The following ABLIM2 variants were observed in gnomAD, a reference collection of about 807,000 sequenced individuals.
The protein encoded by ABLIM2 is actin-binding LIM protein 2.
Under a neutral mutation model 97.7 loss-of-function variants are expected in ABLIM2, and 53 were observed. The observed-to-expected ratio is 0.54, with a 90% CI of 0.44 to 0.68. ABLIM2 has a LOEUF of 0.68. ABLIM2 is among the 30% of genes least tolerant of loss of function. ABLIM2 has a pLI of 0.00. For synonymous variants in ABLIM2, 361 were observed against 345.8 expected, an observed-to-expected ratio of 1.04 and a Z score of -0.49; for missense variants, 835 against 867.2, an observed-to-expected ratio of 0.96 and a Z score of 0.47.
At chr4:7,993,627 T>C in intron 16 of ABLIM2, among the ~76,000 whole-genome samples, 1 of 152,104 alleles carries the variant, frequency 6.6e-6, no homozygotes, top group Non-Finnish European at 1.5e-5. Flanking sequence ...CAGTGAGCTA[T>C]GCTCACACCA....
intron 5 of ABLIM2, among the ~76,000 whole-genome samples, chr4:8,078,198 C>T (rs1817524884): frequency 6.6e-6 from 1 of 152,194 alleles, no homozygotes; most frequent in East Asian, 1.9e-4. Context: ...ACTTTACTGT[C>T]CCCCCTGCAT....
intron 17 of ABLIM2, among the ~76,000 whole-genome samples, chr4:7,988,023 C>T (rs114983137): frequency 0.041 from 6,268 of 152,186 alleles, 255 homozygotes; most frequent in African/African-American, 0.1. Flanking sequence ...TGTTTACTAC[C>T]TATTTTTATT....
At chr4:8,070,927 C>A (rs933604621) in intron 6 of ABLIM2, among the ~76,000 whole-genome samples, 1 of 152,156 alleles carries the variant, frequency 6.6e-6, no homozygotes, top group African/African-American at 2.4e-5. Flanking sequence ...AGACCTCAGC[C>A]CTGACAGGGT....
rs754423125 is a variant in ABLIM2 at position 8,087,120 on chromosome 4, C to T, written c.454+1049G>A. On this transcript the variant is annotated intron_variant, in intron 4 of 20. Coordinates refer to ENST00000447017, the MANE Select transcript of ABLIM2 (RefSeq NM_001130083.2). This position sits in a 1 kb window ranked among gnomAD's most constrained non-coding sequence, Gnocchi z 4.6. ...TTGACACAGGAGAGGAAATTAATTG[C>T]GGGCAAGATGTTGACCCCAGAAATC... Among the ~76,000 whole-genome samples, 36 of 152,160 alleles carry T rather than the reference C, an allele frequency of 2.4e-4. No homozygotes were observed. Among genetic ancestry groups the T allele is most frequent in the Non-Finnish European group, 1.3e-4 (9 of 68,026 alleles).
intron 9 of ABLIM2, among the ~76,000 whole-genome samples, chr4:8,041,663 G>A (rs1579518799): frequency 6.6e-6 from 1 of 151,754 alleles, no homozygotes; most frequent in South Asian, 2.1e-4. Flanking sequence ...AGCACTTTGG[G>A]AGGCCAAGGT....
chr4:8,073,948 G>A (rs577133685), intron 6 of ABLIM2, among the ~76,000 whole-genome samples: 12 of 151,644 alleles, frequency 7.9e-5, no homozygotes, highest in African/African-American at 1.9e-4. Context: ...TCAGCCAGGC[G>A]TGGTGGCTCA....
At chr4:8,151,571 A>C (rs1038704477) in intron 1 of ABLIM2, among the ~76,000 whole-genome samples, 1 of 152,160 alleles carries the variant, frequency 6.6e-6, no homozygotes, top group Admixed American at 6.5e-5. Flanking sequence ...CAGATGAGAA[A>C]GGTGGGCGCA....
chr4:7,983,387 GTATGCTGGCACC>G, intron 19 of ABLIM2, 43 bp from the exon 20 acceptor site: 1 of 1,595,870 alleles, frequency 6.3e-7, no homozygotes. Flanking sequence ...CGAAGCAAGT[GTATGCTGGCACC>G]AAAGAACTGA....
chr4:7,977,449 G>A (rs184802044), intron 20 of ABLIM2, among the ~76,000 whole-genome samples: 1 of 152,208 alleles, frequency 6.6e-6, no homozygotes, highest in African/African-American at 2.4e-5. Context: ...GCACACAAAC[G>A]TCCCCTGTGG....
chr4:7,972,799 G>T (rs1239509259), intron 20 of ABLIM2, among the ~76,000 whole-genome samples: 3 of 152,072 alleles, frequency 2.0e-5, no homozygotes, highest in Non-Finnish European at 4.4e-5. Flanking sequence ...AGGGAGGCTG[G>T]GATTCTGGTG....
rs571357705 is a variant in ABLIM2, at chr4:8,128,917, C to T, written c.11-22280G>A. ...AGCCCGACCATGCTGGCACTCTGAT[C>T]TTGGACTTCCAGCCTCCAGAACTGA... On this transcript the variant is annotated intron_variant, in intron 1 of 20. Transcript: ENST00000447017. The surrounding 1 kb of genome is among the most constrained non-coding windows in gnomAD (Gnocchi z 4.9). Among the ~76,000 whole-genome samples, 9 of 152,192 alleles carry T rather than the reference C, an allele frequency of 5.9e-5. No individual in the cohort carries two copies. The highest frequency in any genetic ancestry group is 1.0e-4 in the Non-Finnish European group (7 of 68,022).
chr4:8,123,574 G>A lies in ABLIM2; in HGVS notation c.11-16937C>T, dbSNP rs192233921. On this transcript the variant is annotated intron_variant, in intron 1 of 20. Transcript: ENST00000447017. This position sits in a 1 kb window ranked among gnomAD's most constrained non-coding sequence, Gnocchi z 6.2. The stretch of plus-strand genomic sequence containing the variant: ...GTCGGGATGGCTGGCCTGGAGCCCA[G>A]GGAAAGCCAGGCCAGGCAGGGGAAA... Among the ~76,000 whole-genome samples the A allele has an allele frequency of 1.4e-3, 213 of 152,344 alleles. 1 individual carries two copies. The highest frequency in any genetic ancestry group is 4.7e-3 in the African/African-American group (194 of 41,578).
chr4:8,004,448 G>A lies in ABLIM2; in HGVS notation c.1618+3611C>T, dbSNP rs1759691797. Among the ~76,000 whole-genome samples the A allele has an allele frequency of 6.6e-6, 1 of 152,182 alleles. No individual in the cohort carries two copies. The highest frequency in any genetic ancestry group is 2.1e-4 in the South Asian group (1 of 4,830). ...CATGCCTCATGTGCTGGGATTGGAG[G>A]AAAGGGTCTTATTCCCTTCGGAAGT... On this transcript the variant is annotated intron_variant, in intron 16 of 20. Coordinates refer to ENST00000447017, the MANE Select transcript of ABLIM2 (RefSeq NM_001130083.2). This position sits in a 1 kb window ranked among gnomAD's most constrained non-coding sequence, Gnocchi z 5.9.
At chr4:8,065,700 G>A (rs1249589175) in intron 6 of ABLIM2, among the ~76,000 whole-genome samples, 1 of 152,092 alleles carries the variant, frequency 6.6e-6, no homozygotes, top group African/African-American at 2.4e-5. Flanking sequence ...AAGATGGGCA[G>A]ATCACCAGAG....
At chr4:8,031,726 ATT>A (rs11312218) in intron 10 of ABLIM2, among the ~76,000 whole-genome samples, 9,669 of 139,830 alleles carry the variant, frequency 0.069, 340 homozygotes, top group East Asian at 0.12. Context: ...ATAAATATAC[ATT>A]TTTTTTTTTT....
chr4:8,038,336 T>C (rs1409619211), intron 9 of ABLIM2, among the ~76,000 whole-genome samples: 1 of 152,154 alleles, frequency 6.6e-6, no homozygotes, highest in Non-Finnish European at 1.5e-5. Context: ...GCTCTCCCCT[T>C]TCCAGGCTTC....
intron 17 of ABLIM2, chr4:7,989,466 G>A: frequency 1.0e-6 from 1 of 984,642 alleles, no homozygotes; most frequent in Non-Finnish European, 1.2e-6. Flanking sequence ...ATGTTGCTTG[G>A]TGCATTTAAG....
rs973164792 is a variant in ABLIM2 at position 7,970,519 on chromosome 4, G to C, written c.1825-3416C>G. On this transcript the variant is annotated intron_variant, in intron 20 of 20. Coordinates refer to ENST00000447017, the MANE Select transcript of ABLIM2 (RefSeq NM_001130083.2). This position sits in a 1 kb window ranked among gnomAD's most constrained non-coding sequence, Gnocchi z 5.3. ...GGGCAGGCGTGCCCCGCATGCTGGG[G>C]AAGGAGAGAAGGGCAGGCTTGAGGA... is the stretch of plus-strand genomic sequence containing the variant. 4.6e-5 allele frequency among the ~76,000 whole-genome samples: 7 copies of C among 151,872 alleles called. No individual in the cohort carries two copies. The highest frequency in any genetic ancestry group is 1.0e-4 in the Non-Finnish European group (7 of 67,874).
chr4:8,100,796 C>T (rs915833583), intron 2 of ABLIM2, among the ~76,000 whole-genome samples: 4 of 143,958 alleles, frequency 2.8e-5, no homozygotes. Context: ...TGAGGTCTAA[C>T]AAGCTGATTA....
Sources: allele counts gnomAD v4.1 joint callset (sites outside exome capture counted in the v4.1 genomes callset), GRCh38; gene constraint gnomAD v4.1.1; non-coding constraint Gnocchi (gnomAD v3.1); transcripts MANE v1.5; gene names NCBI Gene and HGNC (gene_info 2026-07-23, HGNC 2026-07-21).